Variants in ABCB1 observed in about 807,000 individuals in gnomAD.
ABCB1 encodes ATP-dependent translocase ABCB1.
Under a neutral mutation model 142.0 loss-of-function variants are expected in ABCB1, and 69 were observed. The observed-to-expected ratio is 0.49, with a 90% confidence interval of 0.40 to 0.59. ABCB1 has a LOEUF of 0.59. ABCB1 is among the 20% of genes least tolerant of loss of function. The probability of loss-of-function intolerance (pLI) is 0.00; values close to 1 mark genes in which losing one functional copy is unlikely to be tolerated. For missense variants in ABCB1, 1,326 were observed against 1,554.7 expected, an observed-to-expected ratio of 0.85 and a Z score of 2.47; for synonymous variants, 532 against 539.2, an observed-to-expected ratio of 0.99 and a Z score of 0.18.
In ABCB1 at chr7:87,550,800, T is replaced by A; in HGVS notation, c.1038A>T (p.Gly346=). 6.2e-7 allele frequency: 1 copy of A among 1,613,668 alleles called. No homozygotes were observed. The highest frequency in any genetic ancestry group is 1.7e-5 in the Admixed American group (1 of 60,024). Reference sequence around the variant, plus strand: ...ATGCTTCAATGCTTGGAGATGCCTGTCCAACACTAAAAGCCCCAATTAATA... The same window carrying A: ...ATGCTTCAATGCTTGGAGATGCCTGACCAACACTAAAAGCCCCAATTAATA... ...FSVLIGAFSV[G]QASPSIEAFA... is the part of the protein sequence containing the mutation. Residue 346 remains glycine (G), a synonymous_variant, in exon 10 of 28, where the codon GGA becomes GGT. Coordinates refer to ENST00000622132, the MANE Select transcript of ABCB1 (RefSeq NM_001348946.2).
Position 87,504,020 on chromosome 7 carries a change from G to T in ABCB1, c.*223C>A, listed in dbSNP as rs549753290. ...ATCTTTTAAAATCTACTTTAATTCT[G>T]TTATAAAATTTATAATGCAGTTTAA... On this transcript the variant is annotated 3_prime_UTR_variant, in exon 28 of 28. Transcript: ENST00000622132. 39 of 598,050 alleles carry T rather than the reference G, an allele frequency of 6.5e-5. No individual in the cohort carries two copies. The highest frequency in any genetic ancestry group is 3.0e-4 in the African/African-American group (16 of 53,944). 37.0% of individuals were successfully genotyped at this position (598,050 alleles called of 1,614,324 possible). A position where few individuals can be genotyped will look rare whatever the true frequency, so the allele number is the denominator to read the frequency against.
intron 1 of ABCB1, chr7:87,700,362 T>G (rs1828920953): frequency 7.2e-7 from 1 of 1,386,268 alleles, no homozygotes; most frequent in Non-Finnish European, 9.8e-7. Flanking sequence ...GTTCTTGCAT[T>G]TTCAAGTCTA....
intron 8 of ABCB1, among the ~76,000 whole-genome samples, chr7:87,558,794 CAT>C (rs1442882871): frequency 5.3e-5 from 8 of 151,968 alleles, no homozygotes; most frequent in African/African-American, 1.9e-4. Flanking sequence ...TGTCATGAAT[CAT>C]ATATAATTCA....
chr7:87,637,576 A>C (rs1821906820), intron 1 of ABCB1, among the ~76,000 whole-genome samples: 1 of 152,122 alleles, frequency 6.6e-6, no homozygotes. Context: ...TATATGTTTA[A>C]ATATTCTAGA....
chr7:87,586,510 A>G (rs1818768077), intron 3 of ABCB1, among the ~76,000 whole-genome samples: 1 of 152,238 alleles, frequency 6.6e-6, no homozygotes, highest in South Asian at 2.1e-4. Flanking sequence ...GTGGGTGTCT[A>G]TGGATAAATC....
chr7:87,545,138 T>C (rs1315768199), intron 15 of ABCB1, 139 bp from the exon 16 acceptor site: 2 of 761,150 alleles, frequency 2.6e-6, no homozygotes, highest in African/African-American at 3.5e-5. Flanking sequence ...TCTGCTGTGT[T>C]GTTTTATGTG....
At chr7:87,654,776 A>T (rs1334383200) in intron 1 of ABCB1, among the ~76,000 whole-genome samples, 1 of 152,114 alleles carries the variant, frequency 6.6e-6, no homozygotes, top group Non-Finnish European at 1.5e-5. Flanking sequence ...ACAATTTACA[A>T]AAAGGGAAGA....
chr7:87,700,121 A>C (rs941095481), intron 1 of ABCB1, among the ~76,000 whole-genome samples: 40 of 152,152 alleles, frequency 2.6e-4, no homozygotes, highest in African/African-American at 9.7e-4. Context: ...GTATTAGACA[A>C]ATAGGATGTT....
chr7:87,578,801 C>A (rs975114143), intron 4 of ABCB1, among the ~76,000 whole-genome samples: 2 of 149,432 alleles, frequency 1.3e-5, no homozygotes, highest in Admixed American at 6.7e-5. Context: ...TCACGCCATT[C>A]TCCTGCCTCA....
At chr7:87,548,170 G>GA (rs1816880911) in intron 14 of ABCB1, among the ~76,000 whole-genome samples, 1 of 17,846 alleles carries the variant, frequency 5.6e-5, no homozygotes, top group Non-Finnish European at 1.2e-4. Context: ...GGGAGGGAAA[G>GA]GAAGGGAAGG....
intron 1 of ABCB1, among the ~76,000 whole-genome samples, chr7:87,637,344 A>C (rs1821883149): frequency 6.6e-6 from 1 of 152,102 alleles, no homozygotes; most frequent in African/African-American, 2.4e-5. Context: ...TTATGTCTTG[A>C]TGTGTGGTAA....
chr7:87,707,083 G>C (rs1285063699), intron 1 of ABCB1, among the ~76,000 whole-genome samples: 1 of 152,094 alleles, frequency 6.6e-6, no homozygotes, highest in African/African-American at 2.4e-5. Flanking sequence ...TAAATTGTGA[G>C]GTGATTTTCT....
chr7:87,658,654 C>G (rs572202199), intron 1 of ABCB1, among the ~76,000 whole-genome samples: 3 of 152,200 alleles, frequency 2.0e-5, no homozygotes, highest in African/African-American at 7.2e-5. Context: ...AACTTGCCTA[C>G]AAGTAAGCAA....
At chr7:87,692,794 TTTG>T (rs1296231045) in intron 1 of ABCB1, among the ~76,000 whole-genome samples, 1 of 152,238 alleles carries the variant, frequency 6.6e-6, no homozygotes, top group Non-Finnish European at 1.5e-5. Flanking sequence ...TTCATTTTTG[TTTG>T]TTGTAGTTAT....
Position 87,706,626 on chromosome 7 carries a change from C to T in ABCB1, c.-331+6535G>A, listed in dbSNP as rs534335065. Among the ~76,000 whole-genome samples the T allele has an allele frequency of 8.5e-5, 13 of 152,328 alleles. No individual in the cohort carries two copies. In the East Asian group the frequency reaches 1.7e-3, roughly 20 times the overall value. Reference sequence around the variant, plus strand: ...GATGGATATTACACGAGCTGAGCCGCACATCCATCTTTGCTTTAGCCTAAA... The same window carrying T: ...GATGGATATTACACGAGCTGAGCCGTACATCCATCTTTGCTTTAGCCTAAA... On this transcript the variant is annotated intron_variant, in intron 1 of 28. Transcript: ENST00000265724.
intron 1 of ABCB1, among the ~76,000 whole-genome samples, chr7:87,659,536 T>C (rs1303487771): frequency 1.3e-5 from 2 of 152,182 alleles, no homozygotes; most frequent in African/African-American, 2.4e-5. Flanking sequence ...TACATACATA[T>C]AGGACCACAT....
chr7:87,652,132 A>C (rs963524218), intron 1 of ABCB1, among the ~76,000 whole-genome samples: 2 of 152,148 alleles, frequency 1.3e-5, no homozygotes, highest in African/African-American at 4.8e-5. Context: ...ACAATGCCTA[A>C]CTAAAAAGCA....
chr7:87,561,136 C>T (rs2235023), intron 8 of ABCB1, 127 bp downstream of exon 8: 86,382 of 1,075,792 alleles, frequency 0.08, 5,170 homozygotes, highest in African/African-American at 0.27. Flanking sequence ...TGCTGTAATA[C>T]ATCCATTAAG....
intron 9 of ABCB1, among the ~76,000 whole-genome samples, chr7:87,553,136 A>T (rs1012705564): frequency 6.6e-6 from 1 of 152,190 alleles, no homozygotes; most frequent in African/African-American, 2.4e-5. Flanking sequence ...TCAGAAAATA[A>T]AAGTGAAGTG....
Sources: allele counts gnomAD v4.1 joint callset (sites outside exome capture counted in the v4.1 genomes callset), GRCh38; gene constraint gnomAD v4.1.1; transcripts MANE v1.5; gene names NCBI Gene and HGNC (gene_info 2026-07-23, HGNC 2026-07-21).